RIN2: variants seen among roughly 807,000 people sequenced by gnomAD.
The protein encoded by RIN2 is Ras and Rab interactor 2.
Under a neutral mutation model 78.0 loss-of-function variants are expected in RIN2, and 36 were observed. The observed-to-expected ratio is 0.46, with a 90% CI of 0.35 to 0.61. RIN2 has a LOEUF of 0.61. Among genes scored for constraint, RIN2 ranks in the 20% least tolerant of loss-of-function variants. The pLI is 0.00. For synonymous variants in RIN2, 466 were observed against 466.8 expected, an observed-to-expected ratio of 1.00 and a Z score of 0.02; for missense variants, 1,087 against 1,159.7, an observed-to-expected ratio of 0.94 and a Z score of 0.91.
chr20:19,773,953 T>C (rs1341555824), intron 1 of RIN2, among the ~76,000 whole-genome samples: 1 of 151,212 alleles, frequency 6.6e-6, no homozygotes, highest in East Asian at 1.9e-4. Context: ...TTTAGCTTCA[T>C]ATAAAAATCA....
chr20:19,980,471 C>T (rs916489844), intron 9 of RIN2, among the ~76,000 whole-genome samples: 5 of 152,100 alleles, frequency 3.3e-5, no homozygotes, highest in African/African-American at 1.2e-4. Context: ...CTCAGTAATT[C>T]GGAAAGACCT....
At chr20:19,972,402 T>C (rs1321583908) in intron 8 of RIN2, among the ~76,000 whole-genome samples, 1 of 152,184 alleles carries the variant, frequency 6.6e-6, no homozygotes, top group Non-Finnish European at 1.5e-5. Flanking sequence ...AGGACAATGC[T>C]TGTGCCATGC....
At chr20:19,770,487 T>G (rs953370818) in intron 1 of RIN2, among the ~76,000 whole-genome samples, 1 of 152,056 alleles carries the variant, frequency 6.6e-6, no homozygotes, top group Non-Finnish European at 1.5e-5. Context: ...TAACAGAACC[T>G]CTCTGCAAAT....
chr20:19,918,353 TTGTGTG>T (rs3059683), intron 3 of RIN2, among the ~76,000 whole-genome samples: 6,591 of 147,134 alleles, frequency 0.045, 255 homozygotes, highest in East Asian at 0.14. Flanking sequence ...TACAAATACA[TTGTGTG>T]TGTGTGTGTG....
At chr20:19,988,536 A>G (rs1265856685) in intron 9 of RIN2, among the ~76,000 whole-genome samples, 1 of 152,230 alleles carries the variant, frequency 6.6e-6, no homozygotes, top group Non-Finnish European at 1.5e-5. Context: ...AGGGGCTCAG[A>G]TGAGAATGTG....
intron 1 of RIN2, among the ~76,000 whole-genome samples, chr20:19,793,655 C>T (rs547977660): frequency 2.0e-5 from 3 of 152,350 alleles, no homozygotes; most frequent in East Asian, 3.9e-4. Flanking sequence ...TTAGATTATA[C>T]TAGCAGAGAT....
intron 1 of RIN2, among the ~76,000 whole-genome samples, chr20:19,778,217 A>G (rs1002234054): frequency 1.3e-5 from 2 of 152,254 alleles, no homozygotes; most frequent in African/African-American, 4.8e-5. Context: ...TTCAGACAAG[A>G]TGGCAAATTC....
intron 2 of RIN2, among the ~76,000 whole-genome samples, chr20:19,809,002 C>G (rs1482358877): frequency 6.6e-6 from 1 of 152,196 alleles, no homozygotes; most frequent in Non-Finnish European, 1.5e-5. Context: ...CTCATGTCAC[C>G]CATGCCACAG....
chr20:19,825,739 C>T (rs1368386943), intron 2 of RIN2, among the ~76,000 whole-genome samples: 1 of 152,204 alleles, frequency 6.6e-6, no homozygotes, highest in South Asian at 2.1e-4. Context: ...ACAAAAGATG[C>T]TCTCACGTGT....
At chr20:19,873,473 G>A (rs531492867) in intron 2 of RIN2, among the ~76,000 whole-genome samples, 1 of 152,160 alleles carries the variant, frequency 6.6e-6, no homozygotes, top group Non-Finnish European at 1.5e-5. Flanking sequence ...TTTAGGGTTT[G>A]CAGGCCACGT....
At position 19,822,060 on chromosome 20, in the gene RIN2, T is replaced by A. The variant is rs2082187229; in HGVS notation, c.-37+22313T>A. Among the ~76,000 whole-genome samples the A allele has an allele frequency of 3.3e-5, 5 of 152,308 alleles. No homozygotes were observed. In the South Asian group the frequency reaches 1.0e-3, roughly 32 times the overall value. On this transcript the variant is annotated intron_variant, in intron 2 of 12. Transcript: ENST00000255006. ...TTCTCCTCCCACTTTTTGGAAGATA[T>A]TTTTGTCTCCAGAATCTTCAGACCC...
chr20:19,814,970 T>A (rs902447185), intron 2 of RIN2, among the ~76,000 whole-genome samples: 3 of 152,188 alleles, frequency 2.0e-5, no homozygotes, highest in Non-Finnish European at 4.4e-5. Flanking sequence ...AATATTAATT[T>A]AATTTTATGT....
At chr20:19,774,982 A>T (rs1322353911) in intron 1 of RIN2, among the ~76,000 whole-genome samples, 4 of 152,152 alleles carry the variant, frequency 2.6e-5, no homozygotes, top group Non-Finnish European at 5.9e-5. Context: ...CCCATTACTG[A>T]CCACCCACAT....
At chr20:19,842,822 T>C (rs2036624120) in intron 2 of RIN2, among the ~76,000 whole-genome samples, 1 of 152,142 alleles carries the variant, frequency 6.6e-6, no homozygotes, top group South Asian at 2.1e-4. Flanking sequence ...TAGGTAGTGA[T>C]TCCTCTGATG....
chr20:19,925,462 A>G (rs1157403637), intron 3 of RIN2, among the ~76,000 whole-genome samples: 1 of 152,260 alleles, frequency 6.6e-6, no homozygotes, highest in Non-Finnish European at 1.5e-5. Flanking sequence ...TGATTCTATC[A>G]TCATTAAAAG....
intron 1 of RIN2, among the ~76,000 whole-genome samples, chr20:19,793,641 C>A (rs1013151880): frequency 2.1e-4 from 32 of 152,264 alleles, no homozygotes; most frequent in African/African-American, 6.0e-4. Context: ...ATACTTTGAC[C>A]CTTTTAGATT....
chr20:19,830,954 ATGTCCCCG>A (rs1393969138), intron 2 of RIN2, among the ~76,000 whole-genome samples: 2 of 152,148 alleles, frequency 1.3e-5, no homozygotes, highest in Non-Finnish European at 2.9e-5. Context: ...CCTCATCTCC[ATGTCCCCG>A]TGTCCACTCC....
intron 12 of RIN2, among the ~76,000 whole-genome samples, chr20:19,997,289 C>A (rs2146422223): frequency 6.6e-6 from 1 of 152,350 alleles, no homozygotes; most frequent in Admixed American, 6.5e-5. Flanking sequence ...ATCTCAGCAG[C>A]AGCAGCAACA....
In RIN2 at chr20:19,889,266, T is replaced by G. The variant is rs989977470; in HGVS notation, c.-36-300T>G. 1.1e-5 allele frequency: 12 copies of G among 1,073,396 alleles called. No homozygotes were observed. The African/African-American group carries it at 2.0e-4, about 18-fold the overall frequency. The allele number at this position is 1,073,396 out of a possible 1,614,324, so 66.5% of individuals were successfully genotyped here. ...TGGGGACATCTAATATTGGGTCTGT[T>G]CACATTTCAGCAGGAGGTGAAACAC... On this transcript the variant is annotated intron_variant, in intron 2 of 12. Transcript: ENST00000255006.
Sources: gnomAD v4.1 joint callset for allele counts (sites outside exome capture counted in the v4.1 genomes callset) on GRCh38, gnomAD v4.1.1 for gene constraint, MANE v1.5 for transcripts, NCBI Gene and HGNC (gene_info 2026-07-23, HGNC 2026-07-21) for gene names.